CLMP: variants seen among roughly 807,000 people sequenced by gnomAD.
CLMP encodes CXADR like cell adhesion molecule.
In CLMP, 27 loss-of-function variants were observed where a neutral mutation model predicts 45.2. The ratio of observed to expected loss-of-function variants is 0.60; its 90% CI spans 0.44 to 0.82. The LOEUF (loss-of-function observed/expected upper bound fraction) is 0.82, where lower values mean the gene tolerates loss of function less well. Ranked by LOEUF, CLMP falls within the 40% of genes least tolerant of loss-of-function variation. The pLI, the probability that CLMP is intolerant of heterozygous loss-of-function variation, is 0.00. For synonymous variants in CLMP, 167 were observed against 171.4 expected, an observed-to-expected ratio of 0.97 and a Z score of 0.20; for missense variants, 403 against 448.4, an observed-to-expected ratio of 0.90 and a Z score of 0.91.
chr11:123,089,491 T>C (rs1287732787), intron 2 of CLMP, among the ~76,000 whole-genome samples: 1 of 149,574 alleles, frequency 6.7e-6, no homozygotes, highest in Non-Finnish European at 1.5e-5. Flanking sequence ...AATGACCAGG[T>C]GCAGTGGCTC....
chr11:123,084,373 G>T, intron 3 of CLMP, 139 bp downstream of exon 3: 1 of 652,826 alleles, frequency 1.5e-6, no homozygotes, highest in Non-Finnish European at 2.7e-6. Context: ...TTCTTTCCAG[G>T]GAACTGGACG....
At chr11:123,092,484 G>C (rs988680903) in intron 2 of CLMP, among the ~76,000 whole-genome samples, 3 of 152,046 alleles carry the variant, frequency 2.0e-5, no homozygotes, top group Non-Finnish European at 4.4e-5. Flanking sequence ...TTTTAGTAGA[G>C]ACTGGGTGTC....
chr11:123,161,294 T>C (rs146155440), intron 1 of CLMP, among the ~76,000 whole-genome samples: 1 of 152,296 alleles, frequency 6.6e-6, no homozygotes, highest in East Asian at 1.9e-4. Context: ...ACCTGTTAAA[T>C]ATGTATCAAG....
At chr11:123,133,804 C>T (rs754376970) in intron 1 of CLMP, among the ~76,000 whole-genome samples, 2 of 152,078 alleles carry the variant, frequency 1.3e-5, no homozygotes, top group African/African-American at 2.4e-5. Flanking sequence ...AACACTGAGA[C>T]GAATCTGAGC....
chr11:123,085,595 T>TAAAAAA (rs35921171), intron 2 of CLMP, among the ~76,000 whole-genome samples: 6 of 82,098 alleles, frequency 7.3e-5, no homozygotes, highest in African/African-American at 1.4e-4. Flanking sequence ...GCTACAAAGA[T>TAAAAAA]AAAAAAAAAA....
intron 1 of CLMP, among the ~76,000 whole-genome samples, chr11:123,180,667 C>T (rs1861757276): frequency 6.6e-6 from 1 of 151,000 alleles, no homozygotes; most frequent in Non-Finnish European, 1.5e-5. Flanking sequence ...GTGATAGTGA[C>T]TAGGCAGAGT....
At chr11:123,106,800 C>T (rs1860565095) in intron 1 of CLMP, among the ~76,000 whole-genome samples, 1 of 151,866 alleles carries the variant, frequency 6.6e-6, no homozygotes, top group Non-Finnish European at 1.5e-5. Context: ...GTGGGCGGAT[C>T]ACGAGGTCAG....
chr11:123,188,749 C>T (rs1287255199), intron 1 of CLMP: 3 of 152,186 alleles, frequency 2.0e-5, no homozygotes, highest in African/African-American at 7.2e-5. Flanking sequence ...AAGGTTTCAT[C>T]TCGGCTTTCT....
At chr11:123,124,314 C>T (rs568991917) in intron 1 of CLMP, among the ~76,000 whole-genome samples, 17 of 152,258 alleles carry the variant, frequency 1.1e-4, no homozygotes, top group African/African-American at 3.6e-4. Flanking sequence ...CCACGCACAG[C>T]TTACGGTTTT....
chr11:123,095,603 A>G (rs377404135), intron 2 of CLMP, among the ~76,000 whole-genome samples: 47 of 152,304 alleles, frequency 3.1e-4, no homozygotes, highest in African/African-American at 1.1e-3. Flanking sequence ...CAGACTATTC[A>G]AGAGGCGCCA....
At chr11:123,164,771 T>A (rs1861536048) in intron 1 of CLMP, among the ~76,000 whole-genome samples, 1 of 152,182 alleles carries the variant, frequency 6.6e-6, no homozygotes. Flanking sequence ...AGTCTGAACC[T>A]AGTGTCAGCC....
At chr11:123,107,534 A>ATTTTTTTTTTTTTTT (rs370750162) in intron 1 of CLMP, among the ~76,000 whole-genome samples, 1,767 of 122,992 alleles carry the variant, frequency 0.014, 58 homozygotes, top group East Asian at 0.028. Flanking sequence ...CCTGACCTAA[A>ATTTTTTTTTTTTTTT]TTTTTTTTTT....
chr11:123,092,079 C>T (rs76138306), intron 2 of CLMP, among the ~76,000 whole-genome samples: 1,531 of 152,174 alleles, frequency 0.01, 16 homozygotes, highest in Middle Eastern at 0.024. Context: ...CTCAACAACA[C>T]CTATATAAGG....
chr11:123,146,963 C>T (rs150529069), intron 1 of CLMP, among the ~76,000 whole-genome samples: 127 of 152,340 alleles, frequency 8.3e-4, no homozygotes, highest in Admixed American at 2.6e-3. Flanking sequence ...CTTTGCTTCA[C>T]ATTCAGCCAG....
intron 1 of CLMP, among the ~76,000 whole-genome samples, chr11:123,104,081 C>T (rs1315810178): frequency 2.0e-5 from 3 of 148,386 alleles, no homozygotes; most frequent in Non-Finnish European, 4.4e-5. Flanking sequence ...CAGCCCGCCT[C>T]GGCCTCCCAA....
intron 1 of CLMP, among the ~76,000 whole-genome samples, chr11:123,128,967 C>A (rs1591469585): frequency 6.6e-6 from 1 of 152,088 alleles, no homozygotes; most frequent in East Asian, 1.9e-4. Flanking sequence ...AGAAATACAG[C>A]CAATAATTAG....
At position 123,132,360 on chromosome 11, in the gene CLMP, T is replaced by G. The variant is rs920683348; in HGVS notation, c.29-34408A>C. 6.6e-5 allele frequency among the ~76,000 whole-genome samples: 10 copies of G among 152,324 alleles called. No individual in the cohort carries two copies. The East Asian group carries it at 1.9e-3, about 29-fold the overall frequency. On this transcript the variant is annotated intron_variant, in intron 1 of 6. Transcript: ENST00000448775. ...GAAGGCCCACATGGAGATGGCTGTT[T>G]CCTAAATCACAGTTTCCCCAATGTT... is the stretch of plus-strand genomic sequence containing the variant.
intron 1 of CLMP, among the ~76,000 whole-genome samples, chr11:123,141,173 C>CTTTTTTTTTTTTTTTTT (rs550888215): frequency 1.2e-5 from 1 of 80,808 alleles, no homozygotes; most frequent in Non-Finnish European, 2.2e-5. Context: ...TCAGGCATTC[C>CTTTTTTTTTTTTTTTTT]TTTTTTTTTT....
At chr11:123,123,342 C>CTTTTTTTTTTTTT (rs1565389449) in intron 1 of CLMP, among the ~76,000 whole-genome samples, 1 of 149,836 alleles carries the variant, frequency 6.7e-6, no homozygotes, top group African/African-American at 2.5e-5. Flanking sequence ...TCACTGCAGC[C>CTTTTTTTTTTTTT]TCCACCTCCC....
Sources: allele counts gnomAD v4.1 joint callset (sites outside exome capture counted in the v4.1 genomes callset), GRCh38; gene constraint gnomAD v4.1.1; transcripts MANE v1.5; gene names NCBI Gene and HGNC (gene_info 2026-07-23, HGNC 2026-07-21).